PIGU: variants seen among roughly 807,000 people sequenced by gnomAD.
The protein encoded by PIGU is phosphatidylinositol glycan anchor biosynthesis class U, also known as GPI-anchor transamidase component PIGU.
A neutral mutation model predicts 49.9 loss-of-function variants in PIGU; 24 were observed. That is an observed-to-expected ratio of 0.48 (90% CI 0.35 to 0.68). The LOEUF is 0.68. PIGU is among the 30% of genes least tolerant of loss of function. The probability of loss-of-function intolerance (pLI) is 0.01; values close to 1 mark genes in which losing one functional copy is unlikely to be tolerated. For synonymous variants in PIGU, 220 were observed against 205.7 expected, an observed-to-expected ratio of 1.07 and a Z score of -0.59; for missense variants, 490 against 532.6, an observed-to-expected ratio of 0.92 and a Z score of 0.79.
chr20:34,572,185 A>G (rs1444529332), intron 11 of PIGU, among the ~76,000 whole-genome samples: 1 of 151,942 alleles, frequency 6.6e-6, no homozygotes, highest in African/African-American at 2.4e-5. Flanking sequence ...TTTATTTACT[A>G]TTTATTATTA....
rs56220507 is a variant in PIGU, at chr20:34,623,048, A to C, written c.530-6909T>G. On this transcript the variant is annotated intron_variant, in intron 6 of 11. Transcript: ENST00000217446. ...CGATCTGGGCCTGGGTGGGTGGCAC[A>C]GCTACAGGAGTGAGCAGGAATGTAA... Among the ~76,000 whole-genome samples the C allele has an allele frequency of 2.3e-3, 344 of 152,300 alleles. 1 individual carries two copies. Among genetic ancestry groups the C allele is most frequent in the African/African-American group, 8.0e-3 (333 of 41,564 alleles).
intron 8 of PIGU, among the ~76,000 whole-genome samples, chr20:34,588,108 C>T (rs927665112): frequency 6.6e-6 from 1 of 151,930 alleles, no homozygotes; most frequent in South Asian, 2.1e-4. Flanking sequence ...AAAAATTAGC[C>T]GGGCGTGGTG....
chr20:34,631,756 T>C (rs1833244478), intron 6 of PIGU, among the ~76,000 whole-genome samples: 2 of 4,724 alleles, frequency 4.2e-4, no homozygotes, highest in African/African-American at 1.1e-3. Context: ...TATATATATA[T>C]ATATATATAT....
intron 1 of PIGU, 142 bp downstream of exon 1, chr20:34,676,814 C>A (rs1987517751): frequency 4.9e-6 from 6 of 1,225,208 alleles, no homozygotes; most frequent in African/African-American, 3.0e-5. Context: ...CCCTCAGGCC[C>A]CGCCCTCTCC....
At chr20:34,625,261 G>A (rs539750745) in intron 6 of PIGU, among the ~76,000 whole-genome samples, 7 of 151,770 alleles carry the variant, frequency 4.6e-5, no homozygotes, top group Admixed American at 6.6e-5. Context: ...CCAGCTATTC[G>A]GGAAACTGAG....
intron 6 of PIGU, among the ~76,000 whole-genome samples, chr20:34,623,474 T>G (rs1368015920): frequency 6.6e-6 from 1 of 152,198 alleles, no homozygotes; most frequent in African/African-American, 2.4e-5. Context: ...AATAATTCCA[T>G]GAAGTGGGTA....
chr20:34,594,936 C>CA (rs1160053412), intron 7 of PIGU, among the ~76,000 whole-genome samples: 1 of 149,844 alleles, frequency 6.7e-6, no homozygotes, highest in East Asian at 2.0e-4. Flanking sequence ...ACTAAAAATA[C>CA]AAAAAATTAG....
chr20:34,645,320 T>C lies in PIGU; in HGVS notation c.210A>G (p.Ile70Met), dbSNP rs1480742037. Residue 70 changes from isoleucine to methionine, a missense_variant, in exon 3 of 12, where the codon ATA becomes ATG. Ile to Met is a conservative substitution (Grantham distance 10). Transcript: ENST00000217446. ...GAVFHETPLI[I>M]YLFHFLIDYA... ...AGTCAATTAGGAAATGAAAGAGGTA[T>C]ATTATTAATGGAGTCTGCAGAAAAA... 1.3e-5 allele frequency: 20 copies of C among 1,574,314 alleles called. No homozygotes were observed. The highest frequency in any genetic ancestry group is 1.7e-5 in the Non-Finnish European group (20 of 1,166,996).
Position 34,572,619 on chromosome 20 carries a change from G to A in PIGU, c.1194+2485C>T, listed in dbSNP as rs1052024906. ...CAGTGAGCCAAGATCACGCCATTGC[G>A]CTCTATCCTGGGTGACAGAGTGAGA... On this transcript the variant is annotated intron_variant, in intron 11 of 11. Transcript: ENST00000217446. Among the ~76,000 whole-genome samples the A allele has an allele frequency of 1.1e-4, 17 of 152,162 alleles. 1 individual carries two copies. The highest frequency in any genetic ancestry group is 3.3e-4 in the Admixed American group (5 of 15,286).
chr20:34,566,427 G>A (rs1006792787), intron 11 of PIGU, among the ~76,000 whole-genome samples: 6 of 152,172 alleles, frequency 3.9e-5, no homozygotes, highest in Admixed American at 1.3e-4. Context: ...CTCCAGGGCC[G>A]CCTCCCTCTG....
At chr20:34,661,115 T>C (rs2146788849) in intron 1 of PIGU, among the ~76,000 whole-genome samples, 1 of 152,308 alleles carries the variant, frequency 6.6e-6, no homozygotes, top group Admixed American at 6.5e-5. Context: ...AAATGAAAAG[T>C]AGGTCAAAAG....
chr20:34,676,173 C>G (rs1026782281), intron 1 of PIGU, among the ~76,000 whole-genome samples: 1 of 152,038 alleles, frequency 6.6e-6, no homozygotes, highest in Admixed American at 6.6e-5. Flanking sequence ...CTGGAACTCT[C>G]CTTTTCTCTA....
In PIGU at chr20:34,576,401, TA is replaced by T. The variant is rs577763683; in HGVS notation, c.1052-1156del. 2.7e-3 allele frequency among the ~76,000 whole-genome samples: 405 copies of T among 152,242 alleles called. 2 individuals carry two copies. Among genetic ancestry groups the T allele is most frequent in the Non-Finnish European group, 4.2e-3 (289 of 68,032 alleles). On this transcript the variant is annotated intron_variant, in intron 10 of 11. Coordinates refer to ENST00000217446, the MANE Select transcript of PIGU (RefSeq NM_080476.5). ...TAGTGATTTAAATAATATTCTTTATTATTAAACAGTTCTGGAGGTCAGAAGT... is the reference window on the plus strand; with the variant it reads ...TAGTGATTTAAATAATATTCTTTATTTTAAACAGTTCTGGAGGTCAGAAGT...
At chr20:34,636,413 G>A (rs764195966) in intron 5 of PIGU, among the ~76,000 whole-genome samples, 2 of 150,430 alleles carry the variant, frequency 1.3e-5, no homozygotes, top group Admixed American at 6.6e-5. Context: ...GCGTGGTGGC[G>A]GGTACCTGTA....
At chr20:34,666,687 C>CTTTTTTT (rs918644106) in intron 1 of PIGU, among the ~76,000 whole-genome samples, 3 of 90,604 alleles carry the variant, frequency 3.3e-5, no homozygotes, top group Non-Finnish European at 4.5e-5. Flanking sequence ...CTGACTAATT[C>CTTTTTTT]TTTTTTTTTT....
Position 34,616,766 on chromosome 20 carries a change from G to C in PIGU, c.530-627C>G, listed in dbSNP as rs374565713. Among the ~76,000 whole-genome samples the C allele has an allele frequency of 4.6e-5, 7 of 151,906 alleles. No individual in the cohort carries two copies. The East Asian group carries it at 1.3e-3, about 29-fold the overall frequency. Reference sequence around the variant, plus strand: ...ATCCTATTAAATGAAGTTTATAAAAGAGACATATATTATCATTTATTTTAT... The same window carrying C: ...ATCCTATTAAATGAAGTTTATAAAACAGACATATATTATCATTTATTTTAT... On this transcript the variant is annotated intron_variant, in intron 6 of 11. Transcript: ENST00000217446.
chr20:34,674,944 GAAGA>G (rs1172349631), intron 1 of PIGU, among the ~76,000 whole-genome samples: 7 of 13,924 alleles, frequency 5.0e-4, no homozygotes, highest in African/African-American at 2.4e-3. Flanking sequence ...CCTGTCTCTT[GAAGA>G]AAAAAAAAAA....
intron 1 of PIGU, among the ~76,000 whole-genome samples, chr20:34,672,408 A>AC (rs1382539248): frequency 6.6e-6 from 1 of 152,040 alleles, no homozygotes; most frequent in Non-Finnish European, 1.5e-5. Context: ...CCTATGGGAT[A>AC]CCCCCCTTGT....
intron 1 of PIGU, among the ~76,000 whole-genome samples, chr20:34,674,297 G>A (rs1221372974): frequency 6.6e-6 from 1 of 152,022 alleles, no homozygotes; most frequent in African/African-American, 2.4e-5. Context: ...GGAGGTTGCA[G>A]TGAGCCGAGA....
Sources: gnomAD v4.1 joint callset for allele counts (sites outside exome capture counted in the v4.1 genomes callset) on GRCh38, gnomAD v4.1.1 for gene constraint, MANE v1.5 for transcripts, NCBI Gene and HGNC (gene_info 2026-07-23, HGNC 2026-07-21) for gene names.